CTNNA3: variants seen among roughly 807,000 people sequenced by gnomAD.
CTNNA3 encodes the protein catenin alpha 3.
CTNNA3 carries 76 observed loss-of-function variants against 95.7 expected under a neutral mutation model. The ratio of observed to expected loss-of-function variants is 0.79; its 90% CI spans 0.66 to 0.96. CTNNA3 has a LOEUF of 0.96. CTNNA3 is among the 40% of genes least tolerant of loss of function. The pLI is 0.00. For missense variants in CTNNA3, 1,191 were observed against 1,089.8 expected (o/e 1.09, Z -1.31); for synonymous variants, 431 against 374.4 (o/e 1.15, Z -1.74).
chr10:67,596,877 C>A (rs1165330509), intron 3 of CTNNA3, among the ~76,000 whole-genome samples: 1 of 152,212 alleles, frequency 6.6e-6, no homozygotes, highest in Non-Finnish European at 1.5e-5. Flanking sequence ...GGCATTCTCT[C>A]TTTCCCTCTC....
intron 13 of CTNNA3, among the ~76,000 whole-genome samples, chr10:66,168,544 A>C (rs2085258040): frequency 6.6e-6 from 1 of 151,348 alleles, no homozygotes; most frequent in Admixed American, 6.6e-5. Flanking sequence ...ATGTTCTTTT[A>C]GATTTTCACA....
chr10:66,172,260 T>A (rs893502695), intron 13 of CTNNA3, among the ~76,000 whole-genome samples: 1 of 152,166 alleles, frequency 6.6e-6, no homozygotes, highest in Non-Finnish European at 1.5e-5. Context: ...AGTTTCTATA[T>A]TTGATAGAAA....
At chr10:66,480,888 C>G (rs2441736) in intron 11 of CTNNA3, among the ~76,000 whole-genome samples, 22,909 of 152,164 alleles carry the variant, frequency 0.15, 3,602 homozygotes, top group East Asian at 0.77. Flanking sequence ...CAGGCGTGAG[C>G]CACCATGCCT....
At chr10:67,047,338 C>T (rs1854815392) in intron 7 of CTNNA3, among the ~76,000 whole-genome samples, 1 of 151,980 alleles carries the variant, frequency 6.6e-6, no homozygotes. Context: ...TCCCTGTGCC[C>T]CTAGGAGGAG....
intron 13 of CTNNA3, among the ~76,000 whole-genome samples, chr10:66,136,360 G>A (rs1180389166): frequency 1.3e-5 from 2 of 152,092 alleles, no homozygotes; most frequent in African/African-American, 4.8e-5. Context: ...CATGGATGTT[G>A]GTTAATATGT....
Position 66,147,077 on chromosome 10 carries a change from AATT to A in CTNNA3, c.1885-43831_1885-43829del, listed in dbSNP as rs561915842. On this transcript the variant is annotated intron_variant, in intron 13 of 17. Transcript: ENST00000433211. ...TTGCTGTTTTGTTGCTTCATGTTTT[AATT>A]ATTATTATATTTATATCTCTCTTGT... Among the ~76,000 whole-genome samples the A allele has an allele frequency of 3.7e-3, 562 of 152,168 alleles. 1 individual carries two copies. The highest frequency in any genetic ancestry group is 5.9e-3 in the Non-Finnish European group (402 of 67,988).
intron 2 of CTNNA3, among the ~76,000 whole-genome samples, chr10:67,617,603 T>C (rs1344854102): frequency 1.3e-5 from 2 of 152,176 alleles, no homozygotes; most frequent in African/African-American, 4.8e-5. Flanking sequence ...TGATTTATAT[T>C]ACTCTGGGTA....
chr10:66,538,988 C>T (rs80138828), intron 10 of CTNNA3, among the ~76,000 whole-genome samples: 3,752 of 152,104 alleles, frequency 0.025, 72 homozygotes, highest in Middle Eastern at 0.048. Context: ...GTAGAACTTC[C>T]GTTCAAGTAA....
chr10:66,236,971 T>C (rs773518227), intron 13 of CTNNA3, among the ~76,000 whole-genome samples: 15 of 148,412 alleles, frequency 1.0e-4, no homozygotes, highest in Non-Finnish European at 2.0e-4. Flanking sequence ...AAAAAAAAAC[T>C]TAAAAAGATT....
chr10:66,383,637 A>G (rs2092861620), intron 11 of CTNNA3, among the ~76,000 whole-genome samples: 1 of 152,170 alleles, frequency 6.6e-6, no homozygotes, highest in African/African-American at 2.4e-5. Context: ...CCCAAGACAC[A>G]TGATTGTCAG....
intron 10 of CTNNA3, among the ~76,000 whole-genome samples, chr10:66,537,838 CA>C (rs1451050152): frequency 6.6e-6 from 1 of 151,224 alleles, no homozygotes; most frequent in African/African-American, 2.4e-5. Flanking sequence ...CTAAAATCAG[CA>C]AAAATGGGTT....
At chr10:67,258,440 G>C (rs138733389) in intron 5 of CTNNA3, among the ~76,000 whole-genome samples, 1 of 152,002 alleles carries the variant, frequency 6.6e-6, no homozygotes, top group African/African-American at 2.4e-5. Flanking sequence ...CACAGTGCCC[G>C]GCCACAATGA....
chr10:67,344,642 C>T (rs1387896793), intron 5 of CTNNA3, among the ~76,000 whole-genome samples: 1 of 151,952 alleles, frequency 6.6e-6, no homozygotes, highest in Non-Finnish European at 1.5e-5. Flanking sequence ...CTTATAGTTG[C>T]TCATAGTAGC....
intron 12 of CTNNA3, among the ~76,000 whole-genome samples, chr10:66,298,134 C>G (rs1412986256): frequency 6.6e-6 from 1 of 152,140 alleles, no homozygotes; most frequent in African/African-American, 2.4e-5. Context: ...CTGGGAGAAC[C>G]CAGCCTCTAA....
intron 3 of CTNNA3, among the ~76,000 whole-genome samples, chr10:67,588,759 T>G (rs1289336821): frequency 6.6e-6 from 1 of 152,124 alleles, no homozygotes; most frequent in Non-Finnish European, 1.5e-5. Context: ...TTATATTCAT[T>G]TTATTTTACT....
At chr10:67,183,318 A>G (rs1862659786) in intron 6 of CTNNA3, among the ~76,000 whole-genome samples, 1 of 152,262 alleles carries the variant, frequency 6.6e-6, no homozygotes, top group South Asian at 2.1e-4. Flanking sequence ...GACTGGATTA[A>G]GAAAATGTGG....
intron 9 of CTNNA3, among the ~76,000 whole-genome samples, chr10:66,694,339 T>C (rs1259704693): frequency 2.0e-5 from 3 of 151,964 alleles, no homozygotes; most frequent in Non-Finnish European, 4.4e-5. Context: ...AACACCTCTA[T>C]GCAAATAAAC....
At chr10:66,028,351 T>G (rs904426541) in intron 15 of CTNNA3, among the ~76,000 whole-genome samples, 1 of 152,152 alleles carries the variant, frequency 6.6e-6, no homozygotes, top group Non-Finnish European at 1.5e-5. Context: ...AACCCAAATG[T>G]CCAACAATGA....
intron 10 of CTNNA3, among the ~76,000 whole-genome samples, chr10:66,618,681 A>C (rs1336604685): frequency 1.3e-5 from 2 of 152,188 alleles, no homozygotes; most frequent in Non-Finnish European, 2.9e-5. Flanking sequence ...CACCTAAAGC[A>C]ATGGCAACAA....
Sources: gnomAD v4.1 joint callset for allele counts (sites outside exome capture counted in the v4.1 genomes callset) on GRCh38, gnomAD v4.1.1 for gene constraint, MANE v1.5 for transcripts, NCBI Gene and HGNC (gene_info 2026-07-23, HGNC 2026-07-21) for gene names.